The following KCNAB1 variants were observed in gnomAD, a reference collection of about 807,000 sequenced individuals.
The protein encoded by KCNAB1 is potassium voltage-gated channel subfamily A regulatory beta subunit 1.
A neutral mutation model predicts 64.6 loss-of-function variants in KCNAB1; 35 were observed. The ratio of observed to expected loss-of-function variants is 0.54; its 90% CI spans 0.41 to 0.72. The LOEUF (loss-of-function observed/expected upper bound fraction) is 0.72, where lower values mean the gene tolerates loss of function less well. Ranked by LOEUF, KCNAB1 falls within the 30% of genes least tolerant of loss-of-function variation. The pLI is 0.00. For synonymous variants in KCNAB1, 177 were observed against 183.8 expected (o/e 0.96, Z 0.30); for missense variants, 401 against 512.9 (o/e 0.78, Z 2.11).
intron 1 of KCNAB1, among the ~76,000 whole-genome samples, chr3:156,153,333 G>T (rs1385600570): frequency 6.6e-6 from 1 of 152,128 alleles, no homozygotes; most frequent in Non-Finnish European, 1.5e-5. Context: ...ATTTTAAGAT[G>T]CTTTGAGGTG....
At chr3:156,311,134 G>T (rs1721872066) in intron 1 of KCNAB1, among the ~76,000 whole-genome samples, 1 of 152,176 alleles carries the variant, frequency 6.6e-6, no homozygotes, top group Admixed American at 6.5e-5. Flanking sequence ...GATGGAAAGA[G>T]ATGGAAATAT....
At chr3:156,525,368 A>G (rs1454704246) in intron 12 of KCNAB1, among the ~76,000 whole-genome samples, 4 of 152,072 alleles carry the variant, frequency 2.6e-5, no homozygotes, top group Non-Finnish European at 4.4e-5. Context: ...TTTTTAACAA[A>G]AAAAAAAAAG....
At chr3:156,469,248 C>CTTTTTTTTTTTTTTTTTT (rs34567814) in intron 7 of KCNAB1, among the ~76,000 whole-genome samples, 55 of 72,974 alleles carry the variant, frequency 7.5e-4, no homozygotes, top group Non-Finnish European at 9.6e-4. Context: ...TTCTTTCTTT[C>CTTTTTTTTTTTTTTTTTT]TTTTTTTTTT....
chr3:156,266,366 G>C (rs1011666395), intron 1 of KCNAB1, among the ~76,000 whole-genome samples: 1 of 152,296 alleles, frequency 6.6e-6, no homozygotes, highest in African/African-American at 2.4e-5. Flanking sequence ...TTAACATAAT[G>C]ATTCAATTTC....
At chr3:156,395,911 C>T (rs1411091665) in intron 1 of KCNAB1, among the ~76,000 whole-genome samples, 2 of 152,124 alleles carry the variant, frequency 1.3e-5, no homozygotes, top group Non-Finnish European at 2.9e-5. Flanking sequence ...ACGTTGTTAC[C>T]GTGTGTAGAA....
At chr3:156,153,296 C>T (rs1383783798) in intron 1 of KCNAB1, among the ~76,000 whole-genome samples, 4 of 152,124 alleles carry the variant, frequency 2.6e-5, no homozygotes, top group African/African-American at 7.2e-5. Context: ...ACATTGTTCT[C>T]GTAGGAAATA....
intron 1 of KCNAB1, among the ~76,000 whole-genome samples, chr3:156,304,522 G>A (rs1001027914): frequency 1.3e-5 from 2 of 152,132 alleles, no homozygotes; most frequent in Admixed American, 6.5e-5. Context: ...ACTGACCAGC[G>A]TATGTTTATA....
intron 2 of KCNAB1, among the ~76,000 whole-genome samples, chr3:156,427,586 C>T (rs893758466): frequency 1.3e-5 from 2 of 152,148 alleles, no homozygotes; most frequent in Non-Finnish European, 2.9e-5. Context: ...AAAAGGTCCA[C>T]TGAATAATAG....
chr3:156,127,871 C>A (rs1369134686), intron 1 of KCNAB1, among the ~76,000 whole-genome samples: 1 of 132,040 alleles, frequency 7.6e-6, no homozygotes, highest in Non-Finnish European at 1.7e-5. Context: ...GTTTTAGATT[C>A]CTCTTCATTT....
chr3:156,139,232 C>T (rs919404300), intron 1 of KCNAB1, among the ~76,000 whole-genome samples: 6 of 152,180 alleles, frequency 3.9e-5, no homozygotes, highest in African/African-American at 1.4e-4. Flanking sequence ...TCTTTTATGA[C>T]ATTGACCTGC....
chr3:156,518,352 C>T (rs1022773599), intron 11 of KCNAB1, among the ~76,000 whole-genome samples: 1 of 151,814 alleles, frequency 6.6e-6, no homozygotes, highest in Non-Finnish European at 1.5e-5. Flanking sequence ...TATATGTGCA[C>T]TTATGAAAGC....
intron 8 of KCNAB1, among the ~76,000 whole-genome samples, chr3:156,504,181 G>A (rs1023400820): frequency 1.3e-5 from 2 of 152,050 alleles, no homozygotes; most frequent in East Asian, 3.8e-4. Context: ...TCTGCACCTG[G>A]CTTATTTCAC....
At position 156,277,078 on chromosome 3, in the gene KCNAB1, G is replaced by A. The variant is rs145760371; in HGVS notation, c.276-144538G>A. 3.4e-3 allele frequency among the ~76,000 whole-genome samples: 518 copies of A among 152,174 alleles called. 2 individuals carry two copies. The highest frequency in any genetic ancestry group is 0.012 in the African/African-American group (497 of 41,524). On this transcript the variant is annotated intron_variant, in intron 1 of 13. Coordinates refer to ENST00000490337, the MANE Select transcript of KCNAB1 (RefSeq NM_172160.3). ...CCTTTCACTGAGAGGCCATTGTAGG[G>A]TAATTAATTGGGTTGATTTCAATAT...
At chr3:156,475,017 A>G (rs1714239226) in intron 8 of KCNAB1, among the ~76,000 whole-genome samples, 197 bp downstream of exon 8, 1 of 152,130 alleles carries the variant, frequency 6.6e-6, no homozygotes. Flanking sequence ...TTCTTCTTTT[A>G]AAGCAGTTGA....
intron 1 of KCNAB1, among the ~76,000 whole-genome samples, chr3:156,321,196 A>C (rs144511861): frequency 6.6e-6 from 1 of 152,122 alleles, no homozygotes; most frequent in East Asian, 1.9e-4. Context: ...CTTTAGAGCA[A>C]ATGTTTCTGT....
At chr3:156,226,925 T>C (rs928693502) in intron 1 of KCNAB1, among the ~76,000 whole-genome samples, 2 of 152,154 alleles carry the variant, frequency 1.3e-5, no homozygotes, top group African/African-American at 4.8e-5. Flanking sequence ...AATCAAACCA[T>C]GGTGGACTAT....
chr3:156,246,602 C>CAA (rs1263785244), intron 1 of KCNAB1, among the ~76,000 whole-genome samples: 3 of 45,776 alleles, frequency 6.6e-5, no homozygotes, highest in Admixed American at 2.2e-4. Context: ...GACTCTATCT[C>CAA]AAAAAAAAAA....
At chr3:156,240,649 G>T (rs1039257) in intron 1 of KCNAB1, among the ~76,000 whole-genome samples, 1 of 152,046 alleles carries the variant, frequency 6.6e-6, no homozygotes, top group Non-Finnish European at 1.5e-5. Flanking sequence ...CATCCTATCC[G>T]CTTCTCCTCA....
chr3:156,163,318 G>T (rs998845663), intron 1 of KCNAB1, among the ~76,000 whole-genome samples: 6 of 152,090 alleles, frequency 3.9e-5, no homozygotes, highest in African/African-American at 1.4e-4. Flanking sequence ...CATCCTTAAG[G>T]TTGTCTTTGT....
Sources: gnomAD v4.1 joint callset for allele counts (sites outside exome capture counted in the v4.1 genomes callset) on GRCh38, gnomAD v4.1.1 for gene constraint, MANE v1.5 for transcripts, NCBI Gene and HGNC (gene_info 2026-07-23, HGNC 2026-07-21) for gene names.